Variants in FCRL2 observed in about 807,000 individuals in gnomAD.
FCRL2 encodes Fc receptor like 2.
A neutral mutation model predicts 59.8 loss-of-function variants in FCRL2; 48 were observed. The ratio of observed to expected loss-of-function variants is 0.80; its 90% CI spans 0.64 to 1.02. The LOEUF (loss-of-function observed/expected upper bound fraction) is 1.02. FCRL2 is among the 50% of genes least tolerant of loss of function. The pLI is 0.00. For synonymous variants in FCRL2, 251 were observed against 229.5 expected (o/e 1.09, Z -0.85); for missense variants, 658 against 597.3 (o/e 1.10, Z -1.06).
At chr1:157,775,011 G>A (rs1650298814) in intron 2 of FCRL2, among the ~76,000 whole-genome samples, 1 of 152,090 alleles carries the variant, frequency 6.6e-6, no homozygotes, top group Admixed American at 6.5e-5. Flanking sequence ...ATTTAACTCA[G>A]AAAGAGTGAA....
At chr1:157,768,754 G>C in intron 4 of FCRL2, 53 bp from the exon 5 acceptor site, 2 of 1,501,750 alleles carry the variant, frequency 1.3e-6, no homozygotes, top group Non-Finnish European at 1.8e-6. Flanking sequence ...TCTGGGAACA[G>C]GGTTTGACTG....
At chr1:157,776,325 A>G (rs1332269871) in intron 1 of FCRL2, among the ~76,000 whole-genome samples, 1 of 152,170 alleles carries the variant, frequency 6.6e-6, no homozygotes, top group Non-Finnish European at 1.5e-5. Context: ...GCTGGAGTAC[A>G]ATGGTGCGAT....
intron 7 of FCRL2, among the ~76,000 whole-genome samples, chr1:157,758,911 C>T (rs1648808809): frequency 6.6e-6 from 1 of 152,132 alleles, no homozygotes; most frequent in African/African-American, 2.4e-5. Flanking sequence ...TACCTTTCAC[C>T]ATATACAAAA....
intron 7 of FCRL2, among the ~76,000 whole-genome samples, chr1:157,765,519 T>G (rs1056227543): frequency 6.6e-6 from 1 of 152,208 alleles, no homozygotes; most frequent in Non-Finnish European, 1.5e-5. Context: ...ATATCCCTGA[T>G]GAACACAGAC....
chr1:157,750,326 A>T (rs1312199578), intron 7 of FCRL2, among the ~76,000 whole-genome samples: 1 of 152,238 alleles, frequency 6.6e-6, no homozygotes, highest in East Asian at 1.9e-4. Flanking sequence ...ACAATGCCAC[A>T]TAGATGTATA....
chr1:157,761,739 C>T (rs1209951164), intron 7 of FCRL2, among the ~76,000 whole-genome samples: 1 of 152,000 alleles, frequency 6.6e-6, no homozygotes, highest in Non-Finnish European at 1.5e-5. Context: ...TAATAGGGCT[C>T]AGTATGACAA....
chr1:157,764,193 A>G (rs1225526024), intron 7 of FCRL2, among the ~76,000 whole-genome samples: 10 of 152,012 alleles, frequency 6.6e-5, no homozygotes, highest in Admixed American at 6.6e-4. Flanking sequence ...ACAGAGCAAG[A>G]CTCTGCCTCA....
At chr1:157,760,698 GGAAAGAAAGAAAGAAAGAAAGAAA>G (rs1163684979) in intron 7 of FCRL2, among the ~76,000 whole-genome samples, 1 of 97,206 alleles carries the variant, frequency 1.0e-5, no homozygotes, top group Non-Finnish European at 2.0e-5. Context: ...AAAGAAAGAA[GGAAAGAAAGAAAGAAAGAAAGAAA>G]GAAAGAAAGA....
chr1:157,762,621 AG>A (rs1300008099), intron 7 of FCRL2, among the ~76,000 whole-genome samples: 1 of 152,230 alleles, frequency 6.6e-6, no homozygotes, highest in African/African-American at 2.4e-5. Flanking sequence ...CAATGCAAAA[AG>A]GTCTTTTCCA....
intron 7 of FCRL2, among the ~76,000 whole-genome samples, chr1:157,765,821 G>A (rs1445016418): frequency 6.6e-6 from 1 of 152,206 alleles, no homozygotes; most frequent in Non-Finnish European, 1.5e-5. Context: ...TAATAAAATT[G>A]TTGTAGAAGT....
At chr1:157,753,824 A>AT (rs1159750511) in intron 7 of FCRL2, among the ~76,000 whole-genome samples, 1 of 152,188 alleles carries the variant, frequency 6.6e-6, no homozygotes, top group East Asian at 1.9e-4. Flanking sequence ...GAGTCATCTC[A>AT]TTAGCATACC....
chr1:157,770,960 A>G (rs1649977690), intron 2 of FCRL2, among the ~76,000 whole-genome samples: 1 of 152,174 alleles, frequency 6.6e-6, no homozygotes, highest in Non-Finnish European at 1.5e-5. Context: ...TCAGGTTGTG[A>G]TGACGGCCAT....
At chr1:157,767,738 C>A (rs762087415) in intron 5 of FCRL2, 6 of 1,493,222 alleles carry the variant, frequency 4.0e-6, no homozygotes, top group Non-Finnish European at 5.4e-6. Context: ...CTGTTGTTCT[C>A]ATCTGATTGT....
At position 157,777,070 on chromosome 1, in the gene FCRL2, G is replaced by T. The variant is rs1650469155; in HGVS notation, c.4C>A (p.Leu2Met). Residue 2 changes from leucine to methionine, a missense_variant, in exon 1 of 12, where the codon CTG (leucine) becomes ATG (methionine). Transcript: ENST00000361516. Reference protein sequence around the residue: MLLWSLLVIFDA... With the variant: MMLWSLLVIFDA... ...AAGATGACCAGCAATGACCACAGCA[G>T]CATGAGGACCTAATCCAGCTATTTG... The T allele has an allele frequency of 6.2e-7, 1 of 1,614,028 alleles. No individual in the cohort carries two copies. The highest frequency in any genetic ancestry group is 1.3e-5 in the African/African-American group (1 of 74,920).
intron 7 of FCRL2, among the ~76,000 whole-genome samples, chr1:157,752,342 A>G (rs560032063): frequency 6.6e-6 from 1 of 152,330 alleles, no homozygotes; most frequent in East Asian, 1.9e-4. Flanking sequence ...GCACAAGCTT[A>G]TCTCTTTGCC....
chr1:157,749,582 C>T, intron 8 of FCRL2, 68 bp downstream of exon 8: 4 of 1,082,884 alleles, frequency 3.7e-6, no homozygotes, highest in South Asian at 1.3e-5. Flanking sequence ...AAGCAGAGTA[C>T]AGTAGGTATT....
In FCRL2 at chr1:157,769,800, T is replaced by C. The variant is rs1649842364; in HGVS notation, c.595+66A>G. ...GGAGTTGAACAAAGAAACAGACTAG[T>C]AGTCCAAGCTGAAGCTATAACACTC... On this transcript the variant is annotated intron_variant, in intron 4 of 11. Coordinates refer to ENST00000361516, the MANE Select transcript of FCRL2 (RefSeq NM_030764.4). 2.0e-6 allele frequency: 3 copies of C among 1,526,734 alleles called. No homozygotes were observed. The African/African-American group carries it at 4.1e-5, about 21-fold the overall frequency. The allele number at this position is 1,526,734 out of a possible 1,614,324, so 94.6% of individuals were successfully genotyped here. A position where few individuals can be genotyped will look rare whatever the true frequency, so the allele number is the denominator to read the frequency against.
At position 157,748,624 on chromosome 1, in the gene FCRL2, GGGA is replaced by G; in HGVS notation, c.1394-9_1394-7del. 6.2e-7 allele frequency: 1 copy of G among 1,613,500 alleles called. No individual in the cohort carries two copies. Among genetic ancestry groups the G allele is most frequent in the South Asian group, 1.1e-5 (1 of 91,032 alleles). The stretch of plus-strand genomic sequence containing the variant: ...ATCCACATCTACAGAGCCCACTGCA[GGGA>G]GAAGACAAGAGTTCACAGATGTTGG... On this transcript the variant is annotated splice_polypyrimidine_tract_variant and splice_region_variant and intron_variant, in intron 9 of 11. Transcript: ENST00000361516.
At chr1:157,773,267 G>T (rs1207928194) in intron 2 of FCRL2, among the ~76,000 whole-genome samples, 1 of 152,216 alleles carries the variant, frequency 6.6e-6, no homozygotes, top group Non-Finnish European at 1.5e-5. Flanking sequence ...CTCTCATCAG[G>T]CAGTCTTAAG....
Sources: allele counts gnomAD v4.1 joint callset (sites outside exome capture counted in the v4.1 genomes callset), GRCh38; gene constraint gnomAD v4.1.1; transcripts MANE v1.5; gene names NCBI Gene and HGNC (gene_info 2026-07-23, HGNC 2026-07-21).